Variants in SETX observed in about 807,000 individuals in gnomAD.
SETX encodes the protein senataxin.
Under a neutral mutation model 227.2 loss-of-function variants are expected in SETX, and 90 were observed. The ratio of observed to expected loss-of-function variants is 0.40; its 90% CI spans 0.33 to 0.47. SETX has a LOEUF of 0.47. Ranked by LOEUF, SETX falls within the 20% of genes least tolerant of loss-of-function variation. The probability of loss-of-function intolerance (pLI) is 0.91; values close to 1 mark genes in which losing one functional copy is unlikely to be tolerated. For synonymous variants in SETX, 1,210 were observed against 1,113.2 expected (o/e 1.09, Z -1.73); for missense variants, 3,052 against 3,181.5 (o/e 0.96, Z 0.98).
chr9:132,291,159 CTTTTTTTT>C (rs139976052), intron 15 of SETX, among the ~76,000 whole-genome samples: 2 of 83,822 alleles, frequency 2.4e-5, no homozygotes, highest in African/African-American at 5.3e-5. Flanking sequence ...GTTTGAAAAC[CTTTTTTTT>C]TTTTTTTTTT....
chr9:132,293,569 G>A (rs115700470), intron 15 of SETX, among the ~76,000 whole-genome samples: 8,600 of 152,020 alleles, frequency 0.057, 365 homozygotes, highest in East Asian at 0.25. Context: ...TTACAGACCC[G>A]TGCCACGACG....
chr9:132,283,047 A>T (rs1462155328), intron 19 of SETX: 4 of 578,254 alleles, frequency 6.9e-6, no homozygotes, highest in Admixed American at 5.8e-5. Flanking sequence ...ACCATCAGTC[A>T]TCCTCAAGAC....
intron 19 of SETX, among the ~76,000 whole-genome samples, chr9:132,281,918 A>C (rs2131203041): frequency 6.7e-6 from 1 of 149,190 alleles, no homozygotes; most frequent in Non-Finnish European, 1.5e-5. Flanking sequence ...GCTACTTGGG[A>C]GGCTGAGGCA....
chr9:132,266,771 CA>C (rs566822544), intron 25 of SETX, among the ~76,000 whole-genome samples: 173 of 150,600 alleles, frequency 1.1e-3, no homozygotes, highest in African/African-American at 4.0e-3. Context: ...GGCTCTGTCT[CA>C]AAAAAAAACC....
chr9:132,300,481 A>G (rs1844926711), intron 12 of SETX, 149 bp downstream of exon 12: 7 of 792,572 alleles, frequency 8.8e-6, no homozygotes, highest in East Asian at 7.5e-5. Flanking sequence ...AAAAACTAGA[A>G]AAGAGACTCT....
At chr9:132,297,969 T>TC in intron 13 of SETX, 111 bp downstream of exon 13, 1 of 919,142 alleles carries the variant, frequency 1.1e-6, no homozygotes, top group South Asian at 1.4e-5. Flanking sequence ...ACTAAACTGT[T>TC]CACCGTGAAC....
intron 5 of SETX, among the ~76,000 whole-genome samples, chr9:132,342,372 G>GTGTC (rs1163288962): frequency 6.6e-6 from 1 of 152,112 alleles, no homozygotes; most frequent in Non-Finnish European, 1.5e-5. Context: ...GTATCTCCAT[G>GTGTC]TGTCTGCAGT....
In SETX at chr9:132,329,312, A is replaced by G. The variant is rs760623511; in HGVS notation, c.2286T>C (p.Asn762=). Reference sequence around the variant, plus strand: ...CATCATCCTTTAAAGAGAAATCTTCATTCGATGTGGACACTTTTTCCAAAG... The same window carrying G: ...CATCATCCTTTAAAGAGAAATCTTCGTTCGATGTGGACACTTTTTCCAAAG... The part of the protein sequence containing the change: ...TDALEKVSTS[N]EDFSLKDDAL... The change falls in exon 10 of 26, where the codon AAT becomes AAC. Residue 762 remains asparagine, a synonymous_variant. Coordinates refer to ENST00000224140, the MANE Select transcript of SETX (RefSeq NM_015046.7). 6.2e-7 allele frequency: 1 copy of G among 1,613,868 alleles called. No homozygotes were observed. Among genetic ancestry groups the G allele is most frequent in the Non-Finnish European group, 8.5e-7 (1 of 1,179,882 alleles).
At chr9:132,343,913 T>C (rs1848137478) in intron 4 of SETX, among the ~76,000 whole-genome samples, 1 of 152,202 alleles carries the variant, frequency 6.6e-6, no homozygotes, top group South Asian at 2.1e-4. Flanking sequence ...AAGTATGTTA[T>C]CCTACAGGGC....
chr9:132,337,904 G>A (rs765662285), intron 5 of SETX, among the ~76,000 whole-genome samples: 2 of 152,096 alleles, frequency 1.3e-5, no homozygotes, highest in Admixed American at 6.6e-5. Flanking sequence ...AGAGAAATGG[G>A]ACAGCACCTT....
intron 12 of SETX, among the ~76,000 whole-genome samples, chr9:132,298,741 A>G (rs1844820705): frequency 1.3e-5 from 2 of 152,234 alleles, no homozygotes; most frequent in South Asian, 4.1e-4. Context: ...TGTGCCAGGA[A>G]TATTTTAGAA....
chr9:132,289,540 C>A (rs2131252500), intron 15 of SETX, among the ~76,000 whole-genome samples: 1 of 152,190 alleles, frequency 6.6e-6, no homozygotes, highest in East Asian at 1.9e-4. Context: ...CTTCGGGTAC[C>A]CTACGGGTGG....
rs1221892297 is a variant in SETX at position 132,328,986 on chromosome 9, T to C, written c.2612A>G (p.Asn871Ser). 2.5e-6 allele frequency: 4 copies of C among 1,606,742 alleles called. No homozygotes were observed. The highest frequency in any genetic ancestry group is 3.4e-6 in the Non-Finnish European group (4 of 1,177,592). ...GAAAGAGAAAATAACTAATTCTTCA[T>C]TCTTTAATTGTTTCTCTTTTGGCAA... ...NVLPKEKQLK[N>S]EELVIFSFHE... Residue 871 changes from asparagine to serine, a missense_variant, in exon 10 of 26, where the codon AAT (asparagine) becomes AGT (serine). Coordinates refer to ENST00000224140, the MANE Select transcript of SETX (RefSeq NM_015046.7).
chr9:132,278,026 T>TA (rs765334704), intron 21 of SETX, 44 bp downstream of exon 21: 1 of 1,567,378 alleles, frequency 6.4e-7, no homozygotes, highest in East Asian at 2.2e-5. Context: ...CATAAGTAGC[T>TA]AAACTACAAC....
At chr9:132,273,766 T>C (rs1403492917) in intron 23 of SETX, among the ~76,000 whole-genome samples, 8 of 151,756 alleles carry the variant, frequency 5.3e-5, no homozygotes, top group Admixed American at 5.2e-4. Context: ...ACTTTTTTCT[T>C]TCCAGTAAAG....
chr9:132,279,878 A>G (rs1843399913), intron 20 of SETX, among the ~76,000 whole-genome samples: 1 of 152,220 alleles, frequency 6.6e-6, no homozygotes, highest in African/African-American at 2.4e-5. Flanking sequence ...AAAAAAACCA[A>G]TTCTGCACAG....
chr9:132,332,525 C>T (rs947168661), intron 7 of SETX, among the ~76,000 whole-genome samples: 1 of 152,188 alleles, frequency 6.6e-6, no homozygotes, highest in Non-Finnish European at 1.5e-5. Flanking sequence ...TGTTTGTATC[C>T]TCCACTGCAT....
chr9:132,283,477 T>G, intron 18 of SETX, 64 bp from the exon 19 acceptor site: 1 of 1,570,722 alleles, frequency 6.4e-7, no homozygotes, highest in South Asian at 1.1e-5. Flanking sequence ...GACAGGCCTA[T>G]GTTTACTATA....
chr9:132,279,607 A>G (rs185929615), intron 20 of SETX, among the ~76,000 whole-genome samples: 3 of 152,216 alleles, frequency 2.0e-5, no homozygotes, highest in Admixed American at 1.3e-4. Flanking sequence ...TAACCTATTT[A>G]TATGTGTGAT....
Sources: allele counts gnomAD v4.1 joint callset (sites outside exome capture counted in the v4.1 genomes callset), GRCh38; gene constraint gnomAD v4.1.1; transcripts MANE v1.5; gene names NCBI Gene and HGNC (gene_info 2026-07-23, HGNC 2026-07-21).